The following COL21A1 variants were observed in gnomAD, a reference collection of about 807,000 sequenced individuals.
The protein encoded by COL21A1 is collagen alpha-1(XXI) chain.
COL21A1 carries 149 observed loss-of-function variants against 137.9 expected under a neutral mutation model. The ratio of observed to expected loss-of-function variants is 1.08; its 90% CI spans 0.95 to 1.24. The LOEUF (loss-of-function observed/expected upper bound fraction) is 1.24, where lower values mean the gene tolerates loss of function less well. Among genes scored for constraint, COL21A1 ranks in the 50% most tolerant of loss-of-function variants. The probability of loss-of-function intolerance (pLI) is 0.00; values close to 1 mark genes in which losing one functional copy is unlikely to be tolerated. For synonymous variants in COL21A1, 456 were observed against 391.5 expected, an observed-to-expected ratio of 1.16 and a Z score of -1.95; for missense variants, 1,167 against 1,158.4, an observed-to-expected ratio of 1.01 and a Z score of -0.11.
chr6:56,242,873 A>G (rs940981321), intron 1 of COL21A1, among the ~76,000 whole-genome samples: 5 of 152,230 alleles, frequency 3.3e-5, no homozygotes, highest in Admixed American at 6.5e-5. Flanking sequence ...TGGAACAGGT[A>G]TAACTGTAGT....
intron 1 of COL21A1, among the ~76,000 whole-genome samples, chr6:56,198,317 A>C (rs1414445686): frequency 6.6e-6 from 1 of 152,114 alleles, no homozygotes. Flanking sequence ...TACAGTTAAT[A>C]ATTTATTTTA....
intron 1 of COL21A1, among the ~76,000 whole-genome samples, chr6:56,329,912 G>A (rs923131058): frequency 3.3e-5 from 5 of 152,068 alleles, no homozygotes; most frequent in Non-Finnish European, 7.4e-5. Context: ...TTTCTCCAAG[G>A]ATAGAACTTT....
chr6:56,340,915 C>T (rs181310569), intron 1 of COL21A1, among the ~76,000 whole-genome samples: 2 of 152,164 alleles, frequency 1.3e-5, no homozygotes, highest in African/African-American at 4.8e-5. Context: ...AGAAATCAGA[C>T]CCCTTTGTTG....
intron 1 of COL21A1, among the ~76,000 whole-genome samples, chr6:56,271,320 G>A (rs1469926966): frequency 6.6e-6 from 1 of 152,140 alleles, no homozygotes; most frequent in African/African-American, 2.4e-5. Flanking sequence ...TTGAGAGAGG[G>A]TATCTGGCAA....
intron 1 of COL21A1, among the ~76,000 whole-genome samples, chr6:56,240,182 A>G (rs914822444): frequency 3.3e-5 from 5 of 151,042 alleles, no homozygotes; most frequent in Non-Finnish European, 5.9e-5. Flanking sequence ...TTTTAAATAA[A>G]CTACCCAGTC....
intron 1 of COL21A1, among the ~76,000 whole-genome samples, chr6:56,356,439 C>T (rs576888406): frequency 6.6e-6 from 1 of 152,170 alleles, no homozygotes; most frequent in African/African-American, 2.4e-5. Flanking sequence ...CTCTGCCCCC[C>T]AAAGAGACAA....
chr6:56,314,146 G>T (rs1273605232), intron 1 of COL21A1, among the ~76,000 whole-genome samples: 1 of 151,994 alleles, frequency 6.6e-6, no homozygotes, highest in Non-Finnish European at 1.5e-5. Context: ...CACCACCCCT[G>T]GCTGATTTTT....
At chr6:56,342,642 G>A (rs769758593) in intron 1 of COL21A1, among the ~76,000 whole-genome samples, 109 of 152,312 alleles carry the variant, frequency 7.2e-4, no homozygotes, top group Admixed American at 1.0e-3. Context: ...ACACTCACAT[G>A]TGATTTGCAC....
intron 1 of COL21A1, among the ~76,000 whole-genome samples, chr6:56,313,046 TTG>T (rs761225206): frequency 2.6e-5 from 4 of 152,116 alleles, no homozygotes; most frequent in Non-Finnish European, 5.9e-5. Context: ...TTATCCATGC[TTG>T]GCAAATCCCC....
chr6:56,200,649 C>A (rs1054677614), intron 1 of COL21A1, among the ~76,000 whole-genome samples: 2 of 151,924 alleles, frequency 1.3e-5, no homozygotes, highest in Admixed American at 6.6e-5. Flanking sequence ...TTTTTTATGG[C>A]TGCATAGTAT....
chr6:56,276,888 A>G, intron 1 of COL21A1: 2 of 496,296 alleles, frequency 4.0e-6, no homozygotes, highest in South Asian at 4.8e-5. Flanking sequence ...GCTCACTGCA[A>G]GCTCTGCCTC....
intron 1 of COL21A1, among the ~76,000 whole-genome samples, chr6:56,354,188 G>C (rs1445063019): frequency 6.6e-6 from 1 of 152,178 alleles, no homozygotes; most frequent in Non-Finnish European, 1.5e-5. Context: ...AAATGAATCT[G>C]TGGGGCTAAA....
intron 17 of COL21A1, among the ~76,000 whole-genome samples, chr6:56,092,155 T>C (rs935538869): frequency 1.5e-4 from 23 of 152,104 alleles, no homozygotes; most frequent in African/African-American, 5.1e-4. Flanking sequence ...ATTGTTGTTA[T>C]AGTACAAAAA....
intron 17 of COL21A1, chr6:56,078,250 AT>A: frequency 4.4e-6 from 2 of 455,332 alleles, no homozygotes; most frequent in Non-Finnish European, 8.8e-6. Flanking sequence ...AATTTAGCAC[AT>A]TTATTGCTTG....
chr6:56,206,053 C>T (rs1239408935), intron 1 of COL21A1, among the ~76,000 whole-genome samples: 1 of 152,068 alleles, frequency 6.6e-6, no homozygotes, highest in Non-Finnish European at 1.5e-5. Context: ...AGACCATTGA[C>T]ACTATGAAGA....
chr6:56,183,159 A>G (rs1265954392), intron 1 of COL21A1, among the ~76,000 whole-genome samples: 1 of 152,226 alleles, frequency 6.6e-6, no homozygotes, highest in African/African-American at 2.4e-5. Context: ...TCAGTTACAT[A>G]GTTTTCATAC....
intron 1 of COL21A1, among the ~76,000 whole-genome samples, chr6:56,288,353 G>A (rs1215101652): frequency 6.6e-6 from 1 of 152,062 alleles, no homozygotes; most frequent in African/African-American, 2.4e-5. Context: ...ATACAGGTTA[G>A]GATTGCTGTG....
chr6:56,265,343 T>C (rs1638486409), intron 1 of COL21A1, among the ~76,000 whole-genome samples: 1 of 152,188 alleles, frequency 6.6e-6, no homozygotes, highest in African/African-American at 2.4e-5. Context: ...AGAATTTGCA[T>C]GCCTTTTACA....
At chr6:56,152,151 T>C (rs1393533653) in intron 10 of COL21A1, among the ~76,000 whole-genome samples, 1 of 152,166 alleles carries the variant, frequency 6.6e-6, no homozygotes, top group African/African-American at 2.4e-5. Context: ...ACTGCATTCT[T>C]TCTGGAGGCT....
Sources: allele counts gnomAD v4.1 joint callset (sites outside exome capture counted in the v4.1 genomes callset), GRCh38; gene constraint gnomAD v4.1.1; transcripts MANE v1.5; gene names NCBI Gene and HGNC (gene_info 2026-07-23, HGNC 2026-07-21).